The following AMPH variants were observed in gnomAD, a reference collection of about 807,000 sequenced individuals.
AMPH encodes amphiphysin (Stiff-Mann syndrome with breast cancer 128kD autoantigen).
AMPH carries 49 observed loss-of-function variants against 99.1 expected under a neutral mutation model. That is an observed-to-expected ratio of 0.49 (90% CI 0.39 to 0.63). AMPH has a LOEUF of 0.63. AMPH is among the 20% of genes least tolerant of loss of function. The probability of loss-of-function intolerance (pLI) is 0.00; values close to 1 mark genes in which losing one functional copy is unlikely to be tolerated. For missense variants in AMPH, 759 were observed against 863.4 expected, an observed-to-expected ratio of 0.88 and a Z score of 1.52; for synonymous variants, 314 against 317.3, an observed-to-expected ratio of 0.99 and a Z score of 0.11.
intron 1 of AMPH, among the ~76,000 whole-genome samples, chr7:38,604,937 T>G (rs952811383): frequency 9.2e-5 from 14 of 152,226 alleles, no homozygotes; most frequent in Non-Finnish European, 1.9e-4. Flanking sequence ...ATCATTTTTA[T>G]TCCCTCCATC....
At chr7:38,436,988 G>T (rs1786291571) in intron 11 of AMPH, among the ~76,000 whole-genome samples, 6 of 152,176 alleles carry the variant, frequency 3.9e-5, no homozygotes, top group African/African-American at 1.4e-4. Flanking sequence ...GGGTGAACGG[G>T]AGGGAGAGAG....
intron 10 of AMPH, 102 bp from the exon 11 acceptor site, chr7:38,461,513 T>C (rs781769302): frequency 3.5e-5 from 49 of 1,406,776 alleles, no homozygotes; most frequent in African/African-American, 4.3e-5. Flanking sequence ...TGAGCTCTGA[T>C]TGAAACTTGT....
Position 38,420,061 on chromosome 7 carries a change from T to C in AMPH, c.1273-2111A>G, listed in dbSNP as rs1374922514. Among the ~76,000 whole-genome samples the C allele has an allele frequency of 6.6e-5, 10 of 152,256 alleles. No homozygotes were observed. The East Asian group carries it at 1.7e-3, about 26-fold the overall frequency. On this transcript the variant is annotated intron_variant, in intron 16 of 20. Coordinates refer to ENST00000356264, the MANE Select transcript of AMPH (RefSeq NM_001635.4). The stretch of plus-strand genomic sequence containing the variant: ...GGTCTAGTATAAAGAGAACATAGGA[T>C]TGCTTATGTTCCCCACAAGTCACAA...
At chr7:38,512,954 A>G (rs1245284589) in intron 2 of AMPH, among the ~76,000 whole-genome samples, 1 of 152,178 alleles carries the variant, frequency 6.6e-6, no homozygotes, top group Non-Finnish European at 1.5e-5. Flanking sequence ...GCCAGTGAGG[A>G]AAGAGGAGAT....
rs370790138 is a variant in AMPH at position 38,476,966 on chromosome 7, G to T, written c.400C>A (p.Arg134Ser). 1.2e-6 allele frequency: 2 copies of T among 1,613,176 alleles called. No homozygotes were observed. Among genetic ancestry groups the T allele is most frequent in the Non-Finnish European group, 1.7e-6 (2 of 1,179,416 alleles). ...AGCTTCCTGCTGCGCTTGGCGATGC[G>T]ATTCTGTCAACAGGAAATGCACTCA... ...YLGQFPDIKN[R>S]IAKRSRKLVD... is the part of the protein sequence containing the mutation. The change falls in exon 6 of 21, where the codon CGC becomes AGC. Residue 134 changes from arginine (R) to serine (S), a missense_variant. By Grantham distance (110) the Arg-to-Ser change is moderately radical. Around this residue, in one of 2 missense-constraint regions of AMPH, gnomAD observed 205 missense variants for 287.9 expected, o/e 0.71. Coordinates refer to ENST00000356264, the MANE Select transcript of AMPH (RefSeq NM_001635.4).
intron 1 of AMPH, among the ~76,000 whole-genome samples, chr7:38,572,928 G>A (rs569325115): frequency 6.6e-6 from 1 of 152,260 alleles, no homozygotes; most frequent in African/African-American, 2.4e-5. Flanking sequence ...CCAAGCTCCA[G>A]CACAATATCA....
intron 5 of AMPH, among the ~76,000 whole-genome samples, chr7:38,485,938 A>G (rs1788473296): frequency 6.6e-6 from 1 of 151,950 alleles, no homozygotes. Context: ...GAAAACTAAA[A>G]CAAGTAGCAG....
chr7:38,407,900 T>C (rs1302622603), intron 17 of AMPH, among the ~76,000 whole-genome samples: 1 of 152,210 alleles, frequency 6.6e-6, no homozygotes, highest in African/African-American at 2.4e-5. Flanking sequence ...AGGTTTCTGC[T>C]TGACAGTTTT....
At chr7:38,547,862 C>T (rs1426829170) in intron 1 of AMPH, among the ~76,000 whole-genome samples, 1 of 152,092 alleles carries the variant, frequency 6.6e-6, no homozygotes. Flanking sequence ...TAGACTTCCA[C>T]TGAATATACA....
At chr7:38,417,401 C>T (rs546861850) in intron 17 of AMPH, among the ~76,000 whole-genome samples, 2 of 152,278 alleles carry the variant, frequency 1.3e-5, no homozygotes, top group South Asian at 4.1e-4. Flanking sequence ...ATTTCAACAC[C>T]TCATTGGACC....
chr7:38,594,424 T>C (rs1045443009), intron 1 of AMPH, among the ~76,000 whole-genome samples: 14 of 152,178 alleles, frequency 9.2e-5, no homozygotes, highest in Non-Finnish European at 2.1e-4. Context: ...CACTGACTGC[T>C]TCCCTACCTG....
chr7:38,516,493 G>T (rs1201442073), intron 2 of AMPH, among the ~76,000 whole-genome samples: 1 of 152,228 alleles, frequency 6.6e-6, no homozygotes, highest in African/African-American at 2.4e-5. Flanking sequence ...AGGCATGGGA[G>T]CCTCTGCCTA....
At chr7:38,483,555 G>A (rs933118269) in intron 5 of AMPH, among the ~76,000 whole-genome samples, 2 of 152,144 alleles carry the variant, frequency 1.3e-5, no homozygotes, top group Non-Finnish European at 2.9e-5. Context: ...GCACTGAAAT[G>A]ACCCAGCATT....
chr7:38,568,494 T>C (rs751366480), intron 1 of AMPH, among the ~76,000 whole-genome samples: 2 of 152,190 alleles, frequency 1.3e-5, no homozygotes, highest in Non-Finnish European at 2.9e-5. Context: ...CTTCTAAAGC[T>C]ATGACTACTC....
At chr7:38,427,471 G>C (rs1209547520) in intron 14 of AMPH, among the ~76,000 whole-genome samples, 1 of 152,156 alleles carries the variant, frequency 6.6e-6, no homozygotes, top group Non-Finnish European at 1.5e-5. Context: ...ATTAGTCTGT[G>C]CTGCTCTTGG....
chr7:38,596,086 G>T (rs1187459272), intron 1 of AMPH, among the ~76,000 whole-genome samples: 2 of 152,212 alleles, frequency 1.3e-5, no homozygotes, highest in Non-Finnish European at 2.9e-5. Context: ...CCAGTAATAA[G>T]ATTGCTGGGT....
At chr7:38,409,044 GA>G in intron 17 of AMPH, among the ~76,000 whole-genome samples, 1 of 152,282 alleles carries the variant, frequency 6.6e-6, no homozygotes. Flanking sequence ...TAGAAGGGAG[GA>G]ACTATTATAA....
At chr7:38,440,791 A>T (rs1010022793) in intron 11 of AMPH, among the ~76,000 whole-genome samples, 4 of 152,130 alleles carry the variant, frequency 2.6e-5, no homozygotes, top group Non-Finnish European at 4.4e-5. Context: ...GCTAATAAGT[A>T]AATAAAGAAA....
At chr7:38,496,762 C>A (rs1358416839) in intron 3 of AMPH, among the ~76,000 whole-genome samples, 2 of 152,060 alleles carry the variant, frequency 1.3e-5, no homozygotes, top group Admixed American at 1.3e-4. Flanking sequence ...CTAGTGGACC[C>A]CCTTCTATAA....
Sources: allele counts gnomAD v4.1 joint callset (sites outside exome capture counted in the v4.1 genomes callset), GRCh38; gene constraint gnomAD v4.1.1; regional missense constraint gnomAD v4.1.1; transcripts MANE v1.5; gene names NCBI Gene and HGNC (gene_info 2026-07-23, HGNC 2026-07-21).